TMEM132B: variants seen among roughly 807,000 people sequenced by gnomAD.
TMEM132B encodes transmembrane protein 132B.
TMEM132B carries 18 observed loss-of-function variants against 90.8 expected under a neutral mutation model. The ratio of observed to expected loss-of-function variants is 0.20; its 90% CI spans 0.14 to 0.29. The LOEUF (loss-of-function observed/expected upper bound fraction) is 0.29. TMEM132B is among the 10% of genes least tolerant of loss of function. The probability of loss-of-function intolerance (pLI) is 1.00; values close to 1 mark genes in which losing one functional copy is unlikely to be tolerated. For missense variants in TMEM132B, 1,096 were observed against 1,326.8 expected (o/e 0.83, Z 2.70); for synonymous variants, 504 against 523.3 (o/e 0.96, Z 0.50).
chr12:125,659,753 C>G lies in TMEM132B; in HGVS notation c.*5043C>G, dbSNP rs1887162909. 6.6e-6 allele frequency: 1 copy of G among 152,216 alleles called. No individual in the cohort carries two copies. The highest frequency in any genetic ancestry group is 2.1e-4 in the South Asian group (1 of 4,830). The allele number at this position is 152,216 out of a possible 1,614,324, so 9.4% of individuals were successfully genotyped here. A position where few individuals can be genotyped will look rare whatever the true frequency, so the allele number is the denominator to read the frequency against. On this transcript the variant is annotated 3_prime_UTR_variant, in exon 9 of 9. Coordinates refer to ENST00000682704, the MANE Select transcript of TMEM132B (RefSeq NM_001366854.1). ...CCCAATACCAAACCTAGTCTTTCTC[C>G]AGGCCCTTCAGACATCATTCAGGTA...
At chr12:125,582,151 A>G (rs551356974) in intron 4 of TMEM132B, among the ~76,000 whole-genome samples, 4 of 152,282 alleles carry the variant, frequency 2.6e-5, no homozygotes, top group East Asian at 3.9e-4. Flanking sequence ...TAAATCATCT[A>G]TAAAATGGGA....
intron 1 of TMEM132B, among the ~76,000 whole-genome samples, chr12:125,198,308 C>T (rs1382562248): frequency 6.6e-6 from 1 of 152,166 alleles, no homozygotes; most frequent in Admixed American, 6.5e-5. Flanking sequence ...AGGGAAATGG[C>T]TTCAGGTATG....
In TMEM132B at chr12:125,415,688, A is replaced by AG. The variant is rs770024872; in HGVS notation, c.1106+12dup. The AG allele has an allele frequency of 1.2e-6, 2 of 1,613,732 alleles. No individual in the cohort carries two copies. The highest frequency in any genetic ancestry group is 2.2e-5 in the South Asian group (2 of 91,016). On this transcript the variant is annotated intron_variant, in intron 3 of 8. Coordinates refer to ENST00000682704, the MANE Select transcript of TMEM132B (RefSeq NM_001366854.1). This position sits in a 1 kb window ranked among gnomAD's most constrained non-coding sequence, Gnocchi z 5.3. ...GGACACGCAGAGCAGGTAAGCATGG[A>AG]GATCCCCAAGGCACCTCCGCAGTGG...
At chr12:125,530,213 C>T (rs1404961976) in intron 4 of TMEM132B, among the ~76,000 whole-genome samples, 1 of 151,430 alleles carries the variant, frequency 6.6e-6, no homozygotes, top group Non-Finnish European at 1.5e-5. Context: ...CTGTTATATT[C>T]TGCAGTAGGT....
intron 1 of TMEM132B, among the ~76,000 whole-genome samples, chr12:125,243,926 T>A (rs936058002): frequency 1.3e-5 from 2 of 151,654 alleles, no homozygotes; most frequent in Non-Finnish European, 2.9e-5. Context: ...ACGCCCCCTC[T>A]CCCCCCAGCC....
chr12:125,375,356 C>T (rs779713033), intron 2 of TMEM132B, among the ~76,000 whole-genome samples: 1 of 152,212 alleles, frequency 6.6e-6, no homozygotes, highest in Non-Finnish European at 1.5e-5. Flanking sequence ...ATTTTATTAG[C>T]TGCTTTCAGG....
chr12:125,510,013 G>A lies in TMEM132B; in HGVS notation c.1107-9426G>A, dbSNP rs185399635. On this transcript the variant is annotated intron_variant, in intron 3 of 8. Transcript: ENST00000682704. ...GTTGGTAATAGAAAGAAACAGAGAC[G>A]ATTCTGAAAAGTTGTATTTAAGAAC... Among the ~76,000 whole-genome samples, 67 of 152,308 alleles carry A rather than the reference G, an allele frequency of 4.4e-4. 1 individual carries two copies. The highest frequency in any genetic ancestry group is 1.7e-3 in the South Asian group (8 of 4,824).
intron 2 of TMEM132B, among the ~76,000 whole-genome samples, chr12:125,393,875 C>T (rs1298509164): frequency 1.3e-5 from 2 of 152,198 alleles, no homozygotes; most frequent in East Asian, 1.9e-4. Context: ...ATATCTCAAC[C>T]TCTCTTTTCT....
chr12:125,653,423 G>A, intron 8 of TMEM132B, 142 bp from the exon 9 acceptor site: 1 of 909,588 alleles, frequency 1.1e-6, no homozygotes, highest in Admixed American at 3.0e-5. Context: ...CCAGTTCAAG[G>A]CATAACAAGA....
At chr12:125,613,665 T>C (rs931018951) in intron 5 of TMEM132B, among the ~76,000 whole-genome samples, 4 of 151,990 alleles carry the variant, frequency 2.6e-5, no homozygotes, top group African/African-American at 4.8e-5. Flanking sequence ...ACAGAAGCAT[T>C]AATTTTATAT....
intron 3 of TMEM132B, among the ~76,000 whole-genome samples, chr12:125,426,307 T>A (rs1232267856): frequency 6.6e-6 from 1 of 152,240 alleles, no homozygotes; most frequent in South Asian, 2.1e-4. Flanking sequence ...TCTTTTTTTT[T>A]ATTATATGTT....
chr12:125,221,068 G>A (rs1472728117), intron 1 of TMEM132B, among the ~76,000 whole-genome samples: 4 of 152,234 alleles, frequency 2.6e-5, no homozygotes, highest in Admixed American at 6.5e-5. Flanking sequence ...CTGTCCCTGA[G>A]CACCCCGCCT....
chr12:125,653,653 T>A lies in TMEM132B; in HGVS notation c.2195T>A (p.Val732Asp). 3 of 1,614,240 alleles carry A rather than the reference T, an allele frequency of 1.9e-6. No individual in the cohort carries two copies. The highest frequency in any genetic ancestry group is 2.5e-6 in the Non-Finnish European group (3 of 1,180,024). Residue 732 changes from valine to aspartate, a missense_variant, in exon 9 of 9, where the codon GTC (valine) becomes GAC (aspartate). Coordinates refer to ENST00000682704, the MANE Select transcript of TMEM132B (RefSeq NM_001366854.1). ...GATCCTAAGGATTATTCTGTTACTG[T>A]CTCATCATTGGATGAAATGGTGGTG... ...IYDPKDYSVT[V>D]SSLDEMVVSV...
chr12:125,475,897 G>T (rs1049737387), intron 3 of TMEM132B, among the ~76,000 whole-genome samples: 8 of 152,190 alleles, frequency 5.3e-5, no homozygotes, highest in Non-Finnish European at 1.0e-4. Flanking sequence ...TGAGACATCA[G>T]TTAAACTTTT....
intron 3 of TMEM132B, among the ~76,000 whole-genome samples, chr12:125,436,367 C>G (rs1453458658): frequency 6.6e-6 from 1 of 152,126 alleles, no homozygotes; most frequent in Non-Finnish European, 1.5e-5. Flanking sequence ...GGAATCGTAC[C>G]TCTTCCCCTG....
intron 3 of TMEM132B, among the ~76,000 whole-genome samples, chr12:125,432,704 A>T (rs998315006): frequency 6.6e-6 from 1 of 151,772 alleles, no homozygotes; most frequent in African/African-American, 2.4e-5. Context: ...CAACTTGCTT[A>T]CTTAACAAGC....
intron 5 of TMEM132B, chr12:125,588,487 G>A (rs1000935584): frequency 6.6e-5 from 10 of 152,150 alleles, no homozygotes; most frequent in Admixed American, 3.9e-4. Flanking sequence ...CCACCACTGC[G>A]CCAGGCTAAT....
intron 3 of TMEM132B, among the ~76,000 whole-genome samples, chr12:125,434,078 G>A (rs1347014670): frequency 6.6e-6 from 1 of 152,204 alleles, no homozygotes; most frequent in Non-Finnish European, 1.5e-5. Context: ...GTTAAGTCAA[G>A]GCATTGCAGA....
intron 2 of TMEM132B, among the ~76,000 whole-genome samples, chr12:125,369,537 A>G (rs1228408386): frequency 6.6e-6 from 1 of 152,178 alleles, no homozygotes; most frequent in African/African-American, 2.4e-5. Context: ...ATCCTGAAGG[A>G]CTCCAACATT....
Sources: allele counts gnomAD v4.1 joint callset (sites outside exome capture counted in the v4.1 genomes callset), GRCh38; gene constraint gnomAD v4.1.1; non-coding constraint Gnocchi (gnomAD v3.1); transcripts MANE v1.5; gene names NCBI Gene and HGNC (gene_info 2026-07-23, HGNC 2026-07-21).